Variants in MYO3B observed in about 807,000 individuals in gnomAD.
MYO3B encodes the protein myosin-IIIb.
In MYO3B, 156 loss-of-function variants were observed where a neutral mutation model predicts 174.6. The ratio of observed to expected loss-of-function variants is 0.89; its 90% CI spans 0.78 to 1.02. The LOEUF (loss-of-function observed/expected upper bound fraction) is 1.02, where lower values mean the gene tolerates loss of function less well. Among genes scored for constraint, MYO3B ranks in the 50% least tolerant of loss-of-function variants. MYO3B has a pLI of 0.00. For missense variants in MYO3B, 1,632 were observed against 1,639.4 expected, an observed-to-expected ratio of 1.00 and a Z score of 0.08; for synonymous variants, 563 against 569.1, an observed-to-expected ratio of 0.99 and a Z score of 0.15.
chr2:170,519,322 G>A, intron 29 of MYO3B, 116 bp from the exon 30 acceptor site: 1 of 670,496 alleles, frequency 1.5e-6, no homozygotes. Context: ...CCTATAGAAA[G>A]TCACGGAGTG....
At chr2:170,238,666 T>C (rs2883653) in intron 7 of MYO3B, among the ~76,000 whole-genome samples, 150,855 of 152,204 alleles carry the variant, frequency 0.99, 74,770 homozygotes, top group Non-Finnish European at 1. Flanking sequence ...AAAACCTTGA[T>C]GGAGTCAGGG....
intron 25 of MYO3B, among the ~76,000 whole-genome samples, chr2:170,489,638 T>G (rs1010850346): frequency 6.9e-6 from 1 of 144,062 alleles, no homozygotes; most frequent in Non-Finnish European, 1.5e-5. Flanking sequence ...AGTAGGGGTG[T>G]GTGTGTGTGT....
In MYO3B at chr2:170,645,517, A is replaced by G. The variant is rs539856671; in HGVS notation, c.3734-6111A>G. 2.6e-5 allele frequency among the ~76,000 whole-genome samples: 4 copies of G among 151,438 alleles called. No individual in the cohort carries two copies. In the South Asian group the frequency reaches 8.4e-4, roughly 32 times the overall value. On this transcript the variant is annotated intron_variant, in intron 32 of 34. Coordinates refer to ENST00000408978, the MANE Select transcript of MYO3B (RefSeq NM_138995.5). ...GTGAATGTTCAAACTTGAGTTGCCC[A>G]GTTTCTCTACATAAACTAATCAAAC...
intron 25 of MYO3B, among the ~76,000 whole-genome samples, chr2:170,486,940 A>G (rs998546528): frequency 5.3e-5 from 8 of 152,202 alleles, no homozygotes; most frequent in African/African-American, 1.9e-4. Context: ...ATGGCAGTCA[A>G]TTATCATGTT....
chr2:170,567,450 C>T (rs1692139114), intron 32 of MYO3B, among the ~76,000 whole-genome samples: 1 of 152,160 alleles, frequency 6.6e-6, no homozygotes, highest in African/African-American at 2.4e-5. Flanking sequence ...GTTTAAAGCC[C>T]TCTTTGGACC....
chr2:170,235,754 G>T (rs1386388574), intron 6 of MYO3B, among the ~76,000 whole-genome samples: 2 of 152,084 alleles, frequency 1.3e-5, no homozygotes, highest in Non-Finnish European at 2.9e-5. Flanking sequence ...TTACTTAGAC[G>T]GTTCAATGCA....
chr2:170,580,718 A>ATATATATATATGTG (rs768974458), intron 32 of MYO3B, among the ~76,000 whole-genome samples: 1,814 of 142,734 alleles, frequency 0.013, 15 homozygotes, highest in Non-Finnish European at 0.017. Context: ...AACCTTATAT[A>ATATATATATATGTG]TGTGTGTGTG....
intron 25 of MYO3B, among the ~76,000 whole-genome samples, chr2:170,489,469 T>C (rs1032120745): frequency 6.6e-6 from 1 of 152,170 alleles, no homozygotes; most frequent in African/African-American, 2.4e-5. Flanking sequence ...AGAGAAATGA[T>C]AGGGAAGGAA....
chr2:170,395,047 G>A (rs924971701), intron 16 of MYO3B, among the ~76,000 whole-genome samples: 1 of 152,154 alleles, frequency 6.6e-6, no homozygotes, highest in Non-Finnish European at 1.5e-5. Context: ...AACCCTTACA[G>A]CAAAATTATG....
chr2:170,619,324 T>G (rs530986992), intron 32 of MYO3B, among the ~76,000 whole-genome samples: 2 of 152,340 alleles, frequency 1.3e-5, no homozygotes, highest in East Asian at 3.9e-4. Flanking sequence ...TCACGTGCAG[T>G]TGGCTCATTC....
intron 7 of MYO3B, among the ~76,000 whole-genome samples, chr2:170,245,706 T>G (rs550693907): frequency 6.6e-6 from 1 of 152,342 alleles, no homozygotes; most frequent in South Asian, 2.1e-4. Flanking sequence ...CCTCTCTATA[T>G]TCTGTGGCTT....
intron 32 of MYO3B, among the ~76,000 whole-genome samples, chr2:170,546,522 C>T (rs1045162368): frequency 6.6e-6 from 1 of 152,200 alleles, no homozygotes; most frequent in Admixed American, 6.5e-5. Context: ...ATAATCCAAG[C>T]TATTTCATTT....
chr2:170,482,808 G>T (rs1055033721), intron 25 of MYO3B, among the ~76,000 whole-genome samples: 1 of 152,172 alleles, frequency 6.6e-6, no homozygotes, highest in Non-Finnish European at 1.5e-5. Flanking sequence ...GTATCTCTAG[G>T]AATAGGCAAT....
chr2:170,521,796 C>A (rs1688683839), intron 30 of MYO3B, among the ~76,000 whole-genome samples: 1 of 152,172 alleles, frequency 6.6e-6, no homozygotes, highest in Non-Finnish European at 1.5e-5. Flanking sequence ...CAACTGCTGT[C>A]CAGGTCCACT....
chr2:170,574,585 T>G (rs1460503796), intron 32 of MYO3B, among the ~76,000 whole-genome samples: 1 of 152,200 alleles, frequency 6.6e-6, no homozygotes, highest in Admixed American at 6.5e-5. Context: ...ATTTTAAGAA[T>G]GTAACGCAAG....
chr2:170,339,825 A>T (rs1378946157), intron 8 of MYO3B, among the ~76,000 whole-genome samples: 1 of 152,214 alleles, frequency 6.6e-6, no homozygotes, highest in African/African-American at 2.4e-5. Context: ...TAGTTATGAT[A>T]AATTAAATGC....
At chr2:170,649,323 AATATAATATATATT>A (rs1559202323) in intron 32 of MYO3B, among the ~76,000 whole-genome samples, 15 of 92,270 alleles carry the variant, frequency 1.6e-4, no homozygotes, top group East Asian at 1.2e-3. Flanking sequence ...TATATAAAAT[AATATAATATATATT>A]ATATATAAAA....
At chr2:170,273,220 G>A (rs1016944656) in intron 7 of MYO3B, among the ~76,000 whole-genome samples, 2 of 152,102 alleles carry the variant, frequency 1.3e-5, no homozygotes, top group Admixed American at 1.3e-4. Context: ...GTGACCATGT[G>A]GGGGTTTGAG....
chr2:170,508,848 A>T (rs1175142984), intron 28 of MYO3B, among the ~76,000 whole-genome samples: 1 of 152,188 alleles, frequency 6.6e-6, no homozygotes, highest in Non-Finnish European at 1.5e-5. Flanking sequence ...TAGTTTCCTC[A>T]GCTGTAAAAT....
Sources: allele counts gnomAD v4.1 joint callset (sites outside exome capture counted in the v4.1 genomes callset), GRCh38; gene constraint gnomAD v4.1.1; transcripts MANE v1.5; gene names NCBI Gene and HGNC (gene_info 2026-07-23, HGNC 2026-07-21).